The following SEMA6B variants were observed in gnomAD, a reference collection of about 807,000 sequenced individuals.
The protein encoded by SEMA6B is semaphorin-6B.
SEMA6B carries 47 observed loss-of-function variants against 78.6 expected under a neutral mutation model. The observed-to-expected ratio is 0.60, with a 90% CI of 0.47 to 0.76. The LOEUF (loss-of-function observed/expected upper bound fraction) is 0.76. SEMA6B is among the 30% of genes least tolerant of loss of function. SEMA6B has a pLI of 0.00. For missense variants in SEMA6B, 1,213 were observed against 1,269.9 expected, an observed-to-expected ratio of 0.96 and a Z score of 0.68; for synonymous variants, 632 against 592.2, an observed-to-expected ratio of 1.07 and a Z score of -0.98.
chr19:4,554,279 G>T, intron 9 of SEMA6B, 109 bp downstream of exon 9: 1 of 848,310 alleles, frequency 1.2e-6, no homozygotes, highest in Non-Finnish European at 1.9e-6. Flanking sequence ...GACCAGAAAT[G>T]GAGGGCAGGA....
At position 4,546,395 on chromosome 19, in the gene SEMA6B, G is replaced by C. The variant is rs779523047; in HGVS notation, c.1676C>G (p.Thr559Ser). Residue 559 changes from threonine (T) to serine (S), a missense_variant, in exon 15 of 17, where the codon ACC (threonine) becomes AGC (serine). By Grantham distance (58) the Thr-to-Ser change is moderately conservative (BLOSUM62 1). Transcript: ENST00000586582. ...CCACCTCCCTCTCCCGCAGTACCTGGTGCCCGGGCTGAGGAAGATGCAGGA... is the reference window on the plus strand; with the variant it reads ...CCACCTCCCTCTCCCGCAGTACCTGCTGCCCGGGCTGAGGAAGATGCAGGA... ...DGSCIFLSPG[T>S]RAAFEQDVSG... 1 of 1,584,392 alleles carries C rather than the reference G, an allele frequency of 6.3e-7. No homozygotes were observed. The highest frequency in any genetic ancestry group is 1.1e-5 in the South Asian group (1 of 87,174).
rs748159311 is a variant in SEMA6B, at chr19:4,558,399, A to C, written c.59T>G (p.Leu20Arg). 7.9e-7 allele frequency: 1 copy of C among 1,260,474 alleles called. No individual in the cohort carries two copies. Among genetic ancestry groups the C allele is most frequent in the South Asian group, 3.3e-5 (1 of 30,240 alleles). The allele number at this position is 1,260,474 out of a possible 1,614,324, so 78.1% of individuals were successfully genotyped here. A position where few individuals can be genotyped will look rare whatever the true frequency, so the allele number is the denominator to read the frequency against. Reference protein sequence around the residue: ...RPALLLLLLLLGGAHGLFPEE... With the variant: ...RPALLLLLLLRGGAHGLFPEE... ...AGGAAAGAGGCCGTGGGCGCCCCCC[A>C]GTAGCAGCAGCAGAAGCAGCAGGGC... is the stretch of plus-strand genomic sequence containing the variant. Residue 20 changes from leucine (L) to arginine (R), a missense_variant, in exon 2 of 17, where the codon CTG becomes CGG. Coordinates refer to ENST00000586582, the MANE Select transcript of SEMA6B (RefSeq NM_032108.4). This position sits in a 1 kb window ranked among gnomAD's most constrained non-coding sequence, Gnocchi z 5.1.
Position 4,558,098 on chromosome 19 carries a change from G to A in SEMA6B, c.173C>T (p.Pro58Leu), listed in dbSNP as rs564318828. Residue 58 changes from proline (P) to leucine (L), a missense_variant, in exon 3 of 17, where the codon CCC (proline) becomes CTC (leucine). Coordinates refer to ENST00000586582, the MANE Select transcript of SEMA6B (RefSeq NM_032108.4). This position sits in a 1 kb window ranked among gnomAD's most constrained non-coding sequence, Gnocchi z 5.1. ...FVGSGPGRLT[P>L]AEGADDLNIQ... ...GTTGAGGTCGTCAGCACCTTCTGCG[G>A]GGGTCAGGCGTCCGGGCCCGCTGCC... 1 of 1,537,322 alleles carries A rather than the reference G, an allele frequency of 6.5e-7. No individual in the cohort carries two copies. Among genetic ancestry groups the A allele is most frequent in the Non-Finnish European group, 8.8e-7 (1 of 1,135,402 alleles).
At chr19:4,556,481 G>T (rs1977472717) in intron 5 of SEMA6B, among the ~76,000 whole-genome samples, 1 of 150,192 alleles carries the variant, frequency 6.7e-6, no homozygotes, top group Non-Finnish European at 1.5e-5. Context: ...CGTGGCCAGA[G>T]CTGGTGGGGT....
In SEMA6B at chr19:4,542,897, TGCA is replaced by T. The variant is rs1437346997; in HGVS notation, c.*701_*703del. 1 of 699,758 alleles carries T rather than the reference TGCA, an allele frequency of 1.4e-6. No homozygotes were observed. Among genetic ancestry groups the T allele is most frequent in the Non-Finnish European group, 2.6e-6 (1 of 384,808 alleles). The allele number at this position is 699,758 out of a possible 1,614,324, so 43.3% of individuals were successfully genotyped here. A position where few individuals can be genotyped will look rare whatever the true frequency, so the allele number is the denominator to read the frequency against. ...CCCCGGCATTGTCCCCGCTTCCCTC[TGCA>T]GAGTGGGGGGGGTTCAAACTCCTAA... On this transcript the variant is annotated 3_prime_UTR_variant, in exon 17 of 17. Transcript: ENST00000586582.
chr19:4,554,502 C>T (rs1977418352), intron 8 of SEMA6B, 26 bp from the exon 9 acceptor site: 1 of 1,572,430 alleles, frequency 6.4e-7, no homozygotes, highest in African/African-American at 1.3e-5. Context: ...GGTCAGAACT[C>T]AGCCCCTGAC....
chr19:4,559,642 G>T lies in SEMA6B; in HGVS notation c.-145C>A, dbSNP rs1374702668. 1.3e-5 allele frequency: 2 copies of T among 152,142 alleles called. No individual in the cohort carries two copies. Among genetic ancestry groups the T allele is most frequent in the Non-Finnish European group, 2.9e-5 (2 of 68,092 alleles). The allele number at this position is 152,142 out of a possible 1,614,324, so 9.4% of individuals were successfully genotyped here. ...CCCATTTTCCTGTCTGAGCAGCAGGGGTATCCCCCAGCCCTGCCCTGGCCT... is the reference window on the plus strand; with the variant it reads ...CCCATTTTCCTGTCTGAGCAGCAGGTGTATCCCCCAGCCCTGCCCTGGCCT... On this transcript the variant is annotated 5_prime_UTR_variant, in exon 1 of 17. Coordinates refer to ENST00000586582, the MANE Select transcript of SEMA6B (RefSeq NM_032108.4).
rs1977125064 is a variant in SEMA6B, at chr19:4,544,852, C to T, written c.1739-323G>A. ...GTTTCACCACGTTGGCCAGGCTGGT[C>T]TGAACTCCTGACCTTGTGATCCGCC... On this transcript the variant is annotated intron_variant, in intron 16 of 16. Transcript: ENST00000586582. The surrounding 1 kb of genome is among the most constrained non-coding windows in gnomAD (Gnocchi z 5.1). Among the ~76,000 whole-genome samples the T allele has an allele frequency of 6.6e-6, 1 of 151,920 alleles. No individual in the cohort carries two copies. The highest frequency in any genetic ancestry group is 2.4e-5 in the African/African-American group (1 of 41,394).
Position 4,550,399 on chromosome 19 carries a change from G to C in SEMA6B, c.1122-127C>G. The C allele has an allele frequency of 1.9e-6, 2 of 1,041,358 alleles. No individual in the cohort carries two copies. The highest frequency in any genetic ancestry group is 2.8e-6 in the Non-Finnish European group (2 of 713,254). 64.5% of individuals were successfully genotyped at this position (1,041,358 alleles called of 1,614,324 possible). Reference sequence around the variant, plus strand: ...TTTTGTTTGTTTTGTTTTTGAGACAGAGTCTCAATCTGTCGCCCAGGCTGG... The same window carrying C: ...TTTTGTTTGTTTTGTTTTTGAGACACAGTCTCAATCTGTCGCCCAGGCTGG... On this transcript the variant is annotated intron_variant, in intron 11 of 16. Coordinates refer to ENST00000586582, the MANE Select transcript of SEMA6B (RefSeq NM_032108.4). The surrounding 1 kb of genome is among the most constrained non-coding windows in gnomAD (Gnocchi z 6.6).
Position 4,555,466 on chromosome 19 carries a change from G to A in SEMA6B, c.562+8C>T, listed in dbSNP as rs1220233576. The A allele has an allele frequency of 6.2e-7, 1 of 1,609,438 alleles. No homozygotes were observed. Among genetic ancestry groups the A allele is most frequent in the South Asian group, 1.1e-5 (1 of 90,692 alleles). On this transcript the variant is annotated splice_region_variant and intron_variant, in intron 7 of 16. Coordinates refer to ENST00000586582, the MANE Select transcript of SEMA6B (RefSeq NM_032108.4). This position sits in a 1 kb window ranked among gnomAD's most constrained non-coding sequence, Gnocchi z 6.1. ...GGCTGATCAGATGGAGGTTGGGGGGGTACTTACCAGAGAAGAGGGCAACAT... is the reference window on the plus strand; with the variant it reads ...GGCTGATCAGATGGAGGTTGGGGGGATACTTACCAGAGAAGAGGGCAACAT...
chr19:4,555,788 G>A lies in SEMA6B; in HGVS notation c.471+200C>T, dbSNP rs532160033. Among the ~76,000 whole-genome samples the A allele has an allele frequency of 3.2e-4, 49 of 152,264 alleles. 1 individual carries two copies. The highest frequency in any genetic ancestry group is 2.7e-3 in the South Asian group (13 of 4,828). ...ACTGGCTCATTACCTAAGTAGCTAC[G>A]GCTTCCCCGGCCCCCTGTACAGGCC... On this transcript the variant is annotated intron_variant, in intron 6 of 16. Coordinates refer to ENST00000586582, the MANE Select transcript of SEMA6B (RefSeq NM_032108.4). The surrounding 1 kb of genome is among the most constrained non-coding windows in gnomAD (Gnocchi z 6.1).
chr19:4,548,554 CAT>C (rs1190498393), intron 12 of SEMA6B, 109 bp from the exon 13 acceptor site: 35 of 974,352 alleles, frequency 3.6e-5, no homozygotes, highest in East Asian at 3.1e-4. Context: ...CACACCAACA[CAT>C]GTGACAGCAA....
chr19:4,544,237 C>T lies in SEMA6B; in HGVS notation c.2031G>A (p.Pro677=). The change falls in exon 17 of 17, where the codon CCG becomes CCA. Residue 677 remains proline, a synonymous_variant. Coordinates refer to ENST00000586582, the MANE Select transcript of SEMA6B (RefSeq NM_032108.4). The surrounding 1 kb of genome is among the most constrained non-coding windows in gnomAD (Gnocchi z 5.1). ...GCATCAGGGGCGCCAGCAGGGCCTC[C>T]GGGGGAACCCCGGCGCCACCGCCAC... ...GGGGGGAGVP[P]EALLAPLMQN... The T allele has an allele frequency of 7.8e-7, 1 of 1,276,672 alleles. No individual in the cohort carries two copies. The highest frequency in any genetic ancestry group is 2.5e-5 in the South Asian group (1 of 39,432). 79.1% of individuals were successfully genotyped at this position (1,276,672 alleles called of 1,614,324 possible). A position where few individuals can be genotyped will look rare whatever the true frequency, so the allele number is the denominator to read the frequency against.
chr19:4,556,119 C>G, intron 5 of SEMA6B, 30 bp from the exon 6 acceptor site: 3 of 1,520,978 alleles, frequency 2.0e-6, no homozygotes, highest in Non-Finnish European at 2.7e-6. Flanking sequence ...AAGCGGGGAG[C>G]GCGATGTGGG....
intron 8 of SEMA6B, 28 bp from the exon 9 acceptor site, chr19:4,554,504 G>A: frequency 6.4e-7 from 1 of 1,572,010 alleles, no homozygotes; most frequent in Middle Eastern, 1.7e-4. Context: ...TCAGAACTCA[G>A]CCCCTGACAT....
intron 10 of SEMA6B, among the ~76,000 whole-genome samples, chr19:4,551,366 C>T (rs1258853424): frequency 6.6e-6 from 1 of 151,596 alleles, no homozygotes; most frequent in Non-Finnish European, 1.5e-5. Context: ...ATTACAGGTG[C>T]CCACCACCAC....
rs150994490 is a variant in SEMA6B at position 4,550,828 on chromosome 19, C to T, written c.1092G>A (p.Pro364=). The T allele has an allele frequency of 2.5e-4, 410 of 1,613,474 alleles. 1 individual carries two copies. In the African/African-American group the frequency reaches 4.3e-3, roughly 17 times the overall value. Residue 364 remains proline, a synonymous_variant, in exon 11 of 17, where the codon CCG becomes CCA. Transcript: ENST00000586582. The surrounding 1 kb of genome is among the most constrained non-coding windows in gnomAD (Gnocchi z 6.6). ...GTCGAGGCACCTGATCCTCCGGCACCGGCGTCCAGATGGACTCGGGGGACT... is the reference window on the plus strand; with the variant it reads ...GTCGAGGCACCTGATCCTCCGGCACTGGCGTCCAGATGGACTCGGGGGACT... ...EQKSPESIWT[P]VPEDQVPRPR...
At chr19:4,554,187 C>T (rs1179358986) in intron 9 of SEMA6B, among the ~76,000 whole-genome samples, 2 of 152,106 alleles carry the variant, frequency 1.3e-5, no homozygotes, top group Admixed American at 6.5e-5. Context: ...TCAAGTCCCT[C>T]GTCAGGGCTG....
Position 4,550,993 on chromosome 19 carries a change from G to A in SEMA6B, c.990-63C>T, listed in dbSNP as rs554664774. 372 of 1,581,534 alleles carry A rather than the reference G, an allele frequency of 2.4e-4. No individual in the cohort carries two copies. In the African/African-American group the frequency reaches 3.1e-3, roughly 13 times the overall value. On this transcript the variant is annotated intron_variant, in intron 10 of 16. Coordinates refer to ENST00000586582, the MANE Select transcript of SEMA6B (RefSeq NM_032108.4). The surrounding 1 kb of genome is among the most constrained non-coding windows in gnomAD (Gnocchi z 6.6). ...GGGAGGCCCCATCTCGGACAAGTGCGTGCAGGAGCCTCTGTCTGCAGGAGC... is the reference window on the plus strand; with the variant it reads ...GGGAGGCCCCATCTCGGACAAGTGCATGCAGGAGCCTCTGTCTGCAGGAGC...
Sources: gnomAD v4.1 joint callset for allele counts (sites outside exome capture counted in the v4.1 genomes callset) on GRCh38, gnomAD v4.1.1 for gene constraint, Gnocchi (gnomAD v3.1) non-coding constraint, MANE v1.5 for transcripts, NCBI Gene and HGNC (gene_info 2026-07-23, HGNC 2026-07-21) for gene names.